The following KCNH7 variants were observed in gnomAD, a reference collection of about 807,000 sequenced individuals.
The protein encoded by KCNH7 is voltage-gated inwardly rectifying potassium channel KCNH7.
A neutral mutation model predicts 120.8 loss-of-function variants in KCNH7; 49 were observed. That is an observed-to-expected ratio of 0.41 (90% CI 0.32 to 0.51). KCNH7 has a LOEUF of 0.51. Among genes scored for constraint, KCNH7 ranks in the 20% least tolerant of loss-of-function variants. The probability of loss-of-function intolerance (pLI) is 0.38; values close to 1 mark genes in which losing one functional copy is unlikely to be tolerated. For synonymous variants in KCNH7, 547 were observed against 516.1 expected (o/e 1.06, Z -0.81); for missense variants, 1,097 against 1,446.6 (o/e 0.76, Z 3.92).
At chr2:162,424,399 T>C (rs1687795405) in intron 8 of KCNH7, among the ~76,000 whole-genome samples, 1 of 152,162 alleles carries the variant, frequency 6.6e-6, no homozygotes, top group South Asian at 2.1e-4. Flanking sequence ...TTCTAATAAT[T>C]CTAAAAATAA....
chr2:162,430,827 G>A (rs1045737680), intron 8 of KCNH7, among the ~76,000 whole-genome samples: 1 of 151,568 alleles, frequency 6.6e-6, no homozygotes, highest in Non-Finnish European at 1.5e-5. Context: ...GAATACATTT[G>A]CCTTTATTTT....
rs368623119 is a variant in KCNH7, at chr2:162,441,999, C to T, written c.1554+4019G>A. ...GAAAAAAATTAAATAGTTAGGTCTTCTTTTTTTTTTTTTTTTTTTTTTTTT... is the reference window on the plus strand; with the variant it reads ...GAAAAAAATTAAATAGTTAGGTCTTTTTTTTTTTTTTTTTTTTTTTTTTTT... On this transcript the variant is annotated intron_variant, in intron 7 of 15. Coordinates refer to ENST00000332142, the MANE Select transcript of KCNH7 (RefSeq NM_033272.4). 6.8e-3 allele frequency among the ~76,000 whole-genome samples: 284 copies of T among 41,556 alleles called. 1 individual carries two copies. The highest frequency in any genetic ancestry group is 0.011 in the Non-Finnish European group (215 of 19,646). The allele number at this position is 41,556 out of a possible 152,430, so 27.3% of individuals were successfully genotyped here.
chr2:162,745,198 A>C (rs1266199939), intron 2 of KCNH7, among the ~76,000 whole-genome samples: 1 of 152,200 alleles, frequency 6.6e-6, no homozygotes, highest in Non-Finnish European at 1.5e-5. Context: ...GAGAGCATAC[A>C]GAGGGGTCTG....
At chr2:162,575,144 T>C (rs1449530033) in intron 2 of KCNH7, among the ~76,000 whole-genome samples, 1 of 152,028 alleles carries the variant, frequency 6.6e-6, no homozygotes, top group Non-Finnish European at 1.5e-5. Flanking sequence ...AGCCGGGATC[T>C]AGAACTGGGA....
At chr2:162,744,976 ACATACAAGT>A (rs1398755216) in intron 2 of KCNH7, among the ~76,000 whole-genome samples, 1 of 152,230 alleles carries the variant, frequency 6.6e-6, no homozygotes, top group Non-Finnish European at 1.5e-5. Flanking sequence ...GCTGGTTCCC[ACATACAAGT>A]AAACAAACAC....
chr2:162,789,747 C>A (rs1683853787), intron 2 of KCNH7, among the ~76,000 whole-genome samples: 1 of 151,458 alleles, frequency 6.6e-6, no homozygotes, highest in African/African-American at 2.4e-5. Context: ...AACAACATAC[C>A]CCTGAATATC....
chr2:162,705,386 C>T (rs12617349), intron 2 of KCNH7, among the ~76,000 whole-genome samples: 19,517 of 152,018 alleles, frequency 0.13, 1,425 homozygotes, highest in East Asian at 0.34. Context: ...TTTATTATTG[C>T]TAGGGTCCTA....
chr2:162,474,998 C>A (rs1484795763), intron 6 of KCNH7, among the ~76,000 whole-genome samples: 1 of 152,220 alleles, frequency 6.6e-6, no homozygotes, highest in Non-Finnish European at 1.5e-5. Flanking sequence ...TTGTGGAAGA[C>A]CTGGAGTGAG....
At chr2:162,717,859 A>C (rs1687182525) in intron 2 of KCNH7, among the ~76,000 whole-genome samples, 1 of 152,090 alleles carries the variant, frequency 6.6e-6, no homozygotes, top group East Asian at 1.9e-4. Flanking sequence ...ACAGTCCCTA[A>C]AGAATAAAAT....
Position 162,826,538 on chromosome 2 carries a change from G to A in KCNH7, c.307+9999C>T, listed in dbSNP as rs182845455. Among the ~76,000 whole-genome samples the A allele has an allele frequency of 1.8e-3, 267 of 152,150 alleles. 3 individuals are homozygous for A. The highest frequency in any genetic ancestry group is 1.3e-3 in the Non-Finnish European group (87 of 67,972). On this transcript the variant is annotated intron_variant, in intron 2 of 15. Transcript: ENST00000332142. ...TTGCTTTATAATATGTAAACCATAT[G>A]GCAGCAAGTTAATAATTAATTTCTC...
At chr2:162,770,078 A>C (rs1455432252) in intron 2 of KCNH7, among the ~76,000 whole-genome samples, 1 of 152,060 alleles carries the variant, frequency 6.6e-6, no homozygotes, top group African/African-American at 2.4e-5. Flanking sequence ...GGCTGGTTTA[A>C]TTTGGAAACT....
At chr2:162,765,948 G>A (rs1177101237) in intron 2 of KCNH7, among the ~76,000 whole-genome samples, 1 of 151,872 alleles carries the variant, frequency 6.6e-6, no homozygotes, top group African/African-American at 2.4e-5. Context: ...TTAGACATGG[G>A]GTCTCACTAT....
chr2:162,497,979 C>T (rs975589796), intron 6 of KCNH7, among the ~76,000 whole-genome samples: 14 of 152,046 alleles, frequency 9.2e-5, no homozygotes, highest in African/African-American at 3.1e-4. Context: ...TTTTAATATT[C>T]AGAAATTTCT....
intron 2 of KCNH7, among the ~76,000 whole-genome samples, chr2:162,548,559 A>G (rs945223625): frequency 6.6e-6 from 1 of 151,976 alleles, no homozygotes; most frequent in Non-Finnish European, 1.5e-5. Flanking sequence ...GAGAAGGATG[A>G]AGGATGAGGA....
intron 8 of KCNH7, among the ~76,000 whole-genome samples, chr2:162,429,800 T>C (rs991585722): frequency 3.3e-5 from 5 of 151,944 alleles, no homozygotes; most frequent in African/African-American, 1.2e-4. Flanking sequence ...GATATGTGGT[T>C]TTATAGTTTT....
chr2:162,389,415 T>C (rs190617071), intron 12 of KCNH7, among the ~76,000 whole-genome samples: 62 of 152,134 alleles, frequency 4.1e-4, no homozygotes, highest in African/African-American at 1.3e-3. Flanking sequence ...TCCTATATAA[T>C]TGAGGCTACT....
chr2:162,684,447 C>G (rs1294748141), intron 2 of KCNH7, among the ~76,000 whole-genome samples: 1 of 151,780 alleles, frequency 6.6e-6, no homozygotes, highest in East Asian at 1.9e-4. Context: ...TGCAATCTAC[C>G]CATCTGACAA....
chr2:162,536,696 G>A (rs1350323253), intron 3 of KCNH7, among the ~76,000 whole-genome samples: 3 of 151,970 alleles, frequency 2.0e-5, no homozygotes, highest in Non-Finnish European at 4.4e-5. Flanking sequence ...CAGGTGTCAG[G>A]GGACTGGTTA....
chr2:162,566,906 T>A (rs1259861174), intron 2 of KCNH7, among the ~76,000 whole-genome samples: 1 of 151,884 alleles, frequency 6.6e-6, no homozygotes, highest in Non-Finnish European at 1.5e-5. Flanking sequence ...CTTAAAAAAA[T>A]AGTAGGATTT....
Sources: allele counts gnomAD v4.1 joint callset (sites outside exome capture counted in the v4.1 genomes callset), GRCh38; gene constraint gnomAD v4.1.1; transcripts MANE v1.5; gene names NCBI Gene and HGNC (gene_info 2026-07-23, HGNC 2026-07-21).